Variants in SGCZ observed in about 807,000 individuals in gnomAD.
The protein encoded by SGCZ is sarcoglycan zeta.
A neutral mutation model predicts 41.3 loss-of-function variants in SGCZ; 40 were observed. The observed-to-expected ratio is 0.97, with a 90% CI of 0.75 to 1.26. The LOEUF (loss-of-function observed/expected upper bound fraction) is 1.26. SGCZ is among the 50% of genes most tolerant of loss of function. The pLI, the probability that SGCZ is intolerant of heterozygous loss-of-function variation, is 0.00. For missense variants in SGCZ, 552 were observed against 369.8 expected (o/e 1.49, Z -4.04); for synonymous variants, 206 against 137.5 (o/e 1.50, Z -3.49).
At chr8:14,161,752 G>A (rs1000452994) in intron 5 of SGCZ, among the ~76,000 whole-genome samples, 1 of 152,060 alleles carries the variant, frequency 6.6e-6, no homozygotes, top group Non-Finnish European at 1.5e-5. Flanking sequence ...TAGATCAATC[G>A]AGAACATTAT....
intron 1 of SGCZ, among the ~76,000 whole-genome samples, chr8:14,744,063 A>G (rs953590520): frequency 6.6e-6 from 1 of 152,140 alleles, no homozygotes; most frequent in Non-Finnish European, 1.5e-5. Flanking sequence ...TTGAATAGCC[A>G]CAGGGTTAGA....
intron 1 of SGCZ, among the ~76,000 whole-genome samples, chr8:14,722,842 A>T (rs1809931957): frequency 6.6e-6 from 1 of 152,310 alleles, no homozygotes; most frequent in Middle Eastern, 3.4e-3. Context: ...TTATATAAGT[A>T]TGTACACAGG....
chr8:14,211,750 A>G (rs1805815016), intron 4 of SGCZ, among the ~76,000 whole-genome samples: 1 of 152,106 alleles, frequency 6.6e-6, no homozygotes, highest in Admixed American at 6.5e-5. Context: ...CAGCCGGGGG[A>G]AATCTGCCCC....
At chr8:14,334,940 A>G (rs966856844) in intron 2 of SGCZ, among the ~76,000 whole-genome samples, 3 of 152,142 alleles carry the variant, frequency 2.0e-5, no homozygotes, top group African/African-American at 7.2e-5. Flanking sequence ...AAGTGGAAGA[A>G]CAGGTGTAGG....
intron 1 of SGCZ, among the ~76,000 whole-genome samples, chr8:14,687,174 A>G (rs1563202865): frequency 2.2e-5 from 3 of 138,316 alleles, no homozygotes; most frequent in African/African-American, 5.3e-5. Context: ...AAAAAAAAAT[A>G]TATATATATA....
intron 1 of SGCZ, among the ~76,000 whole-genome samples, chr8:14,931,777 T>C (rs550122244): frequency 6.6e-6 from 1 of 152,194 alleles, no homozygotes; most frequent in Non-Finnish European, 1.5e-5. Context: ...GGGTTGAACA[T>C]TTAATGGAAA....
intron 1 of SGCZ, among the ~76,000 whole-genome samples, chr8:15,164,428 C>T (rs904387679): frequency 2.6e-5 from 4 of 152,088 alleles, no homozygotes; most frequent in African/African-American, 4.8e-5. Context: ...GACGCATGGT[C>T]CACGGGTTTG....
Position 14,974,312 on chromosome 8 carries a change from T to C in SGCZ, c.39+263273A>G, listed in dbSNP as rs557344581. ...ATATAGTATATGTGATATTGAACAA[T>C]ATAATTTCTGTAACTCCATTTTGTT... On this transcript the variant is annotated intron_variant, in intron 1 of 7. Coordinates refer to ENST00000382080, the MANE Select transcript of SGCZ (RefSeq NM_139167.4). Among the ~76,000 whole-genome samples, 8 of 152,318 alleles carry C rather than the reference T, an allele frequency of 5.3e-5. No homozygotes were observed. The South Asian group carries it at 1.4e-3, about 28-fold the overall frequency.
At chr8:14,743,975 A>G (rs747927474) in intron 1 of SGCZ, among the ~76,000 whole-genome samples, 1 of 152,102 alleles carries the variant, frequency 6.6e-6, no homozygotes, top group Non-Finnish European at 1.5e-5. Context: ...CTTTTCCTCT[A>G]GCAAATATTG....
chr8:14,526,569 G>A (rs576586568), intron 2 of SGCZ, among the ~76,000 whole-genome samples: 23 of 152,162 alleles, frequency 1.5e-4, no homozygotes, highest in Admixed American at 1.5e-3. Flanking sequence ...CTACACAATT[G>A]ATAGGAAATT....
intron 2 of SGCZ, among the ~76,000 whole-genome samples, chr8:14,452,102 G>A (rs746873085): frequency 3.3e-5 from 5 of 152,110 alleles, no homozygotes; most frequent in African/African-American, 4.8e-5. Context: ...TAGATGAGTG[G>A]ATACACAGGG....
intron 1 of SGCZ, among the ~76,000 whole-genome samples, chr8:15,018,928 T>TA (rs1258491564): frequency 2.6e-5 from 4 of 152,018 alleles, no homozygotes; most frequent in African/African-American, 4.8e-5. Flanking sequence ...TTAGGAAACT[T>TA]ACAGTCATCA....
intron 1 of SGCZ, among the ~76,000 whole-genome samples, chr8:14,983,775 T>A (rs1029224301): frequency 6.6e-6 from 1 of 152,090 alleles, no homozygotes; most frequent in Non-Finnish European, 1.5e-5. Flanking sequence ...CAAAGGAGGG[T>A]ACTGGGCCCT....
chr8:14,584,919 G>A (rs555200029), intron 1 of SGCZ, among the ~76,000 whole-genome samples: 3 of 152,052 alleles, frequency 2.0e-5, no homozygotes, highest in Non-Finnish European at 4.4e-5. Flanking sequence ...ACAGTCATTT[G>A]TTAAATAAAT....
At chr8:14,156,332 C>T (rs906180899) in intron 5 of SGCZ, among the ~76,000 whole-genome samples, 8 of 151,968 alleles carry the variant, frequency 5.3e-5, no homozygotes, top group South Asian at 2.1e-4. Context: ...TGGTGGTGGT[C>T]GCCTTGTAGT....
chr8:14,400,056 T>C (rs539873492), intron 2 of SGCZ, among the ~76,000 whole-genome samples: 5 of 152,178 alleles, frequency 3.3e-5, no homozygotes, highest in African/African-American at 1.2e-4. Context: ...ATTGCTAATC[T>C]ACTTTATGTC....
intron 1 of SGCZ, among the ~76,000 whole-genome samples, chr8:14,709,710 C>G (rs1320853638): frequency 1.3e-5 from 2 of 151,706 alleles, no homozygotes; most frequent in African/African-American, 4.8e-5. Context: ...CTATTTAAAA[C>G]TAAATCTTCG....
chr8:14,551,242 A>G (rs908664755), intron 2 of SGCZ, among the ~76,000 whole-genome samples: 1 of 147,530 alleles, frequency 6.8e-6, no homozygotes, highest in African/African-American at 2.5e-5. Context: ...CAAATATAGA[A>G]AGAATTTATT....
At chr8:15,192,338 T>C (rs543631) in intron 1 of SGCZ, among the ~76,000 whole-genome samples, 8,376 of 152,126 alleles carry the variant, frequency 0.055, 291 homozygotes, top group African/African-American at 0.065. Context: ...TAAGTACGCA[T>C]ACAAATTTTT....
Sources: allele counts gnomAD v4.1 joint callset (sites outside exome capture counted in the v4.1 genomes callset), GRCh38; gene constraint gnomAD v4.1.1; transcripts MANE v1.5; gene names NCBI Gene and HGNC (gene_info 2026-07-23, HGNC 2026-07-21).